The following MAP3K9 variants were observed in gnomAD, a reference collection of about 807,000 sequenced individuals.
The protein encoded by MAP3K9 is mitogen-activated protein kinase kinase kinase 9, also known as mixed lineage kinase 1 (tyr and ser/thr specificity).
A neutral mutation model predicts 95.8 loss-of-function variants in MAP3K9; 46 were observed. That is an observed-to-expected ratio of 0.48 (90% confidence interval 0.38 to 0.61). The LOEUF is 0.61. Among genes scored for constraint, MAP3K9 ranks in the 20% least tolerant of loss-of-function variants. MAP3K9 has a pLI of 0.00. For synonymous variants in MAP3K9, 533 were observed against 593.8 expected (o/e 0.90, Z 1.49); for missense variants, 1,296 against 1,474.3 (o/e 0.88, Z 1.98).
chr14:70,739,169 G>A (rs774471438), intron 7 of MAP3K9, among the ~76,000 whole-genome samples: 2 of 152,132 alleles, frequency 1.3e-5, no homozygotes, highest in African/African-American at 2.4e-5. Flanking sequence ...TCACTCTGTC[G>A]CCCATGCTGG....
intron 2 of MAP3K9, among the ~76,000 whole-genome samples, chr14:70,764,022 A>T (rs1222454897): frequency 6.8e-6 from 1 of 148,122 alleles, no homozygotes; most frequent in Non-Finnish European, 1.5e-5. Context: ...CGTCTCTACT[A>T]AAAATACAAA....
chr14:70,763,951 C>T (rs1407121534), intron 2 of MAP3K9, among the ~76,000 whole-genome samples: 2 of 150,646 alleles, frequency 1.3e-5, no homozygotes, highest in Non-Finnish European at 3.0e-5. Flanking sequence ...TTTGGGAGGC[C>T]GAGGCGGGTG....
rs146714045 is a variant in MAP3K9 at position 70,735,841 on chromosome 14, A to G, written c.1913+120T>C. 2.4e-4 allele frequency: 192 copies of G among 792,962 alleles called. No individual in the cohort carries two copies. In the African/African-American group the frequency reaches 2.7e-3, roughly 11 times the overall value. 49.1% of individuals were successfully genotyped at this position (792,962 alleles called of 1,614,324 possible). A position where few individuals can be genotyped will look rare whatever the true frequency, so the allele number is the denominator to read the frequency against. ...TGCTTAAAACAAAAACAAAAACAAA[A>G]AAGTCAGTTCAGCCCTGGCAATAAC... On this transcript the variant is annotated intron_variant, in intron 9 of 11. Coordinates refer to ENST00000554752, the MANE Select transcript of MAP3K9 (RefSeq NM_001284230.2).
chr14:70,765,747 A>C (rs1311530670), intron 2 of MAP3K9, among the ~76,000 whole-genome samples: 5 of 22,304 alleles, frequency 2.2e-4, no homozygotes, highest in African/African-American at 8.5e-4. Flanking sequence ...AAAAAAAAAA[A>C]AAACAAAAAA....
chr14:70,748,769 T>G, intron 5 of MAP3K9, 60 bp downstream of exon 5: 1 of 1,417,454 alleles, frequency 7.1e-7, no homozygotes, highest in Non-Finnish European at 9.7e-7. Context: ...GGTCTACCAA[T>G]TCAATGCATG....
At chr14:70,805,349 G>A (rs2054978498) in intron 1 of MAP3K9, among the ~76,000 whole-genome samples, 1 of 152,146 alleles carries the variant, frequency 6.6e-6, no homozygotes, top group Non-Finnish European at 1.5e-5. Flanking sequence ...TTTGAAAACT[G>A]AAACAACTCT....
At chr14:70,806,179 C>T (rs948309956) in intron 1 of MAP3K9, among the ~76,000 whole-genome samples, 13 of 152,162 alleles carry the variant, frequency 8.5e-5, no homozygotes, top group African/African-American at 2.9e-4. Context: ...CTTCACTTTC[C>T]GAGTGACACA....
At chr14:70,740,846 T>C (rs1337416259) in intron 6 of MAP3K9, among the ~76,000 whole-genome samples, 1 of 152,256 alleles carries the variant, frequency 6.6e-6, no homozygotes, top group Non-Finnish European at 1.5e-5. Context: ...ACTATAGCTT[T>C]TCTATCTGCA....
intron 2 of MAP3K9, among the ~76,000 whole-genome samples, chr14:70,780,097 T>C (rs2054654091): frequency 6.6e-6 from 1 of 152,218 alleles, no homozygotes. Context: ...CAACTCTGGC[T>C]GGCCATAATG....
chr14:70,797,825 C>T (rs1158855977), intron 2 of MAP3K9, among the ~76,000 whole-genome samples: 2 of 152,158 alleles, frequency 1.3e-5, no homozygotes, highest in Non-Finnish European at 2.9e-5. Flanking sequence ...TCATATTAGA[C>T]GTATACAATC....
chr14:70,752,624 C>G (rs2054245125), intron 3 of MAP3K9, among the ~76,000 whole-genome samples: 1 of 152,198 alleles, frequency 6.6e-6, no homozygotes, highest in Non-Finnish European at 1.5e-5. Context: ...ATTGCTTGCT[C>G]TTGGAATAAA....
intron 2 of MAP3K9, among the ~76,000 whole-genome samples, chr14:70,781,104 C>G (rs191097939): frequency 9.3e-4 from 141 of 152,374 alleles, no homozygotes; most frequent in Admixed American, 2.0e-3. Flanking sequence ...GTCCTCTCCA[C>G]TTGAAGCTGA....
intron 3 of MAP3K9, among the ~76,000 whole-genome samples, chr14:70,751,108 C>T (rs1218345100): frequency 6.6e-6 from 1 of 152,216 alleles, no homozygotes; most frequent in Non-Finnish European, 1.5e-5. Context: ...ATCGGTAGAA[C>T]AGAGCAGCGC....
rs2053787444 is a variant in MAP3K9 at position 70,724,042 on chromosome 14, C to T, written c.*6338G>A. 6.6e-6 allele frequency: 1 copy of T among 152,220 alleles called. No individual in the cohort carries two copies. The highest frequency in any genetic ancestry group is 1.5e-5 in the Non-Finnish European group (1 of 68,038). 9.4% of individuals were successfully genotyped at this position (152,220 alleles called of 1,614,324 possible). On this transcript the variant is annotated 3_prime_UTR_variant, in exon 12 of 12. Transcript: ENST00000554752. ...GCAGGCACAGAGCTAGGGAATGTGG[C>T]TCTTAGCATGCCAGGGAGTGAAAAA...
At position 70,738,288 on chromosome 14, in the gene MAP3K9, G is replaced by A; in HGVS notation, c.1801C>T (p.Pro601Ser). The change falls in exon 8 of 12, where the codon CCA (proline) becomes TCA (serine). Residue 601 changes from proline (P) to serine (S), a missense_variant. This residue lies in a region of MAP3K9 where 377 missense variants were observed against 417.1 expected (regional missense o/e 0.90). Transcript: ENST00000554752. ...APKKKGRTWG[P>S]GTLGQKELAS... Reference sequence around the variant, plus strand: ...AGCTCCTTCTGACCAAGCGTCCCTGGCCCCCACGTCCGTCCCTTCTTCTTT... The same window carrying A: ...AGCTCCTTCTGACCAAGCGTCCCTGACCCCCACGTCCGTCCCTTCTTCTTT... 6.2e-7 allele frequency: 1 copy of A among 1,612,954 alleles called. No individual in the cohort carries two copies. Among genetic ancestry groups the A allele is most frequent in the Non-Finnish European group, 8.5e-7 (1 of 1,179,556 alleles).
In MAP3K9 at chr14:70,741,504, A is replaced by G. The variant is rs149010298; in HGVS notation, c.1567+847T>C. Among the ~76,000 whole-genome samples the G allele has an allele frequency of 1.5e-4, 23 of 152,304 alleles. No individual in the cohort carries two copies. The East Asian group carries it at 4.4e-3, about 29-fold the overall frequency. On this transcript the variant is annotated intron_variant, in intron 6 of 11. Transcript: ENST00000554752. ...AGCATTCGGCTCCCTCCATGGATAT[A>G]TTACACACCACAAAGATTCTAATTA...
At chr14:70,741,967 A>C (rs747188591) in intron 6 of MAP3K9, among the ~76,000 whole-genome samples, 6 of 152,194 alleles carry the variant, frequency 3.9e-5, no homozygotes, top group Non-Finnish European at 5.9e-5. Flanking sequence ...AAACCTTGAG[A>C]CAAGTTATTT....
chr14:70,795,927 T>G (rs1566766723), intron 2 of MAP3K9, among the ~76,000 whole-genome samples: 1 of 151,778 alleles, frequency 6.6e-6, no homozygotes, highest in Non-Finnish European at 1.5e-5. Flanking sequence ...GGCTAATTTT[T>G]GTATTTTAGT....
At chr14:70,751,670 G>A (rs751914186) in intron 3 of MAP3K9, among the ~76,000 whole-genome samples, 1 of 152,138 alleles carries the variant, frequency 6.6e-6, no homozygotes, top group Non-Finnish European at 1.5e-5. Context: ...AGTAAGCCAA[G>A]ATCACGCCAC....
Sources: allele counts gnomAD v4.1 joint callset (sites outside exome capture counted in the v4.1 genomes callset), GRCh38; gene constraint gnomAD v4.1.1; regional missense constraint gnomAD v4.1.1; transcripts MANE v1.5; gene names NCBI Gene and HGNC (gene_info 2026-07-23, HGNC 2026-07-21).